Variants in ALS2 observed in about 807,000 individuals in gnomAD.
ALS2 encodes alsin Rho guanine nucleotide exchange factor ALS2.
Under a neutral mutation model 203.4 loss-of-function variants are expected in ALS2, and 117 were observed. The observed-to-expected ratio is 0.58, with a 90% CI of 0.50 to 0.67. The LOEUF (loss-of-function observed/expected upper bound fraction) is 0.67. Among genes scored for constraint, ALS2 ranks in the 30% least tolerant of loss-of-function variants. The probability of loss-of-function intolerance (pLI) is 0.00; values close to 1 mark genes in which losing one functional copy is unlikely to be tolerated. For missense variants in ALS2, 1,715 were observed against 1,989.4 expected (o/e 0.86, Z 2.62); for synonymous variants, 718 against 725.9 (o/e 0.99, Z 0.17).
At position 201,730,435 on chromosome 2, in the gene ALS2, G is replaced by A. The variant is rs544704863; in HGVS notation, c.2581-1252C>T. Reference sequence around the variant, plus strand: ...CATGAGATAAAGTCCTAAGTATCAGGAAACTGTCAGACTCACAGTGGCAGA... The same window carrying A: ...CATGAGATAAAGTCCTAAGTATCAGAAAACTGTCAGACTCACAGTGGCAGA... On this transcript the variant is annotated intron_variant, in intron 13 of 33. Coordinates refer to ENST00000264276, the MANE Select transcript of ALS2 (RefSeq NM_020919.4). 3.9e-5 allele frequency among the ~76,000 whole-genome samples: 6 copies of A among 152,212 alleles called. No homozygotes were observed. The South Asian group carries it at 6.2e-4, about 16-fold the overall frequency.
rs1030083444 is a variant in ALS2 at position 201,709,943 on chromosome 2, C to T, written c.4218G>A (p.Arg1406=). The change falls in exon 27 of 34, where the codon AGG becomes AGA. Residue 1406 remains arginine (R), a synonymous_variant. Transcript: ENST00000264276. ...MTYVGVGANR[R]LLQEAVKEIK... ...TCTCCTTTACAGCCTCCTGCAATAA[C>T]CTGCGGTTGGCTCCTACGCCCACGT... 1.2e-6 allele frequency: 2 copies of T among 1,614,004 alleles called. No individual in the cohort carries two copies. Among genetic ancestry groups the T allele is most frequent in the African/African-American group, 1.3e-5 (1 of 74,916 alleles).
intron 3 of ALS2, chr2:201,763,155 C>T: frequency 4.5e-6 from 1 of 220,922 alleles, no homozygotes; most frequent in Non-Finnish European, 8.8e-6. Context: ...ATCCAAGGGA[C>T]TATCATCCTG....
Position 201,704,601 on chromosome 2 carries a change from G to T in ALS2, c.4691C>A (p.Thr1564Lys). 6.2e-7 allele frequency: 1 copy of T among 1,614,068 alleles called. No individual in the cohort carries two copies. The highest frequency in any genetic ancestry group is 8.5e-7 in the Non-Finnish European group (1 of 1,179,984). Residue 1564 changes from threonine (T) to lysine (K), a missense_variant and splice_region_variant, in exon 32 of 34, where the codon ACA becomes AAA. This residue lies in a region of ALS2 where 1,227 missense variants were observed against 1,413.5 expected (regional missense o/e 0.87). Coordinates refer to ENST00000264276, the MANE Select transcript of ALS2 (RefSeq NM_020919.4). Reference sequence around the variant, plus strand: ...AAGTTTGTCTGATGGGGTAAATGTTGTGCTGTTACAGAAACAATGACAAAA... The same window carrying T: ...AAGTTTGTCTGATGGGGTAAATGTTTTGCTGTTACAGAAACAATGACAAAA... ...SAVECLQQIS[T>K]TFTPSDKLKV...
At chr2:201,750,049 C>G (rs917878328) in intron 7 of ALS2, among the ~76,000 whole-genome samples, 21 of 151,746 alleles carry the variant, frequency 1.4e-4, no homozygotes, top group African/African-American at 4.8e-4. Flanking sequence ...GCCTGTAATC[C>G]CAGCTACTTG....
At chr2:201,717,618 A>G (rs937665396) in intron 24 of ALS2, among the ~76,000 whole-genome samples, 7 of 150,934 alleles carry the variant, frequency 4.6e-5, no homozygotes, top group Non-Finnish European at 8.8e-5. Flanking sequence ...TGACAATTCA[A>G]GGAGGTTACA....
At position 201,754,683 on chromosome 2, in the gene ALS2, C is replaced by T. The variant is rs1574772470; in HGVS notation, c.1472-12G>A. 4 of 1,614,072 alleles carry T rather than the reference C, an allele frequency of 2.5e-6. No homozygotes were observed. In the East Asian group the frequency reaches 8.9e-5, roughly 36 times the overall value. On this transcript the variant is annotated splice_polypyrimidine_tract_variant and intron_variant, in intron 5 of 33. Transcript: ENST00000264276. ...GAGCCTGGGGGAAACTGAAAACCAA[C>T]CAGACGTGGGGTGAAGGAGTGGGAG...
intron 1 of ALS2, among the ~76,000 whole-genome samples, chr2:201,772,170 C>G (rs917591210): frequency 6.6e-6 from 1 of 152,186 alleles, no homozygotes; most frequent in African/African-American, 2.4e-5. Context: ...ACTGATGCCA[C>G]TTTTAGACTC....
rs541714751 is a variant in ALS2 at position 201,711,108 on chromosome 2, A to G, written c.4005T>C (p.Ser1335=). 3.1e-5 allele frequency: 48 copies of G among 1,561,992 alleles called. No homozygotes were observed. In the South Asian group the frequency reaches 4.8e-4, roughly 16 times the overall value. The part of the protein sequence containing the change: ...LTTSRRQHRD[S]PEILSRSQTQ... ...TCTGTGAACGACTCAGTATTTCTGG[A>G]CTATAAAAAGGGAAAGAAAAGTCTG... is the stretch of plus-strand genomic sequence containing the variant. Residue 1335 remains serine (S), a splice_region_variant and synonymous_variant, in exon 26 of 34, where the codon AGT becomes AGC. Transcript: ENST00000264276.
At chr2:201,730,140 T>C (rs1038080607) in intron 13 of ALS2, among the ~76,000 whole-genome samples, 2 of 152,204 alleles carry the variant, frequency 1.3e-5, no homozygotes, top group African/African-American at 4.8e-5. Context: ...GATACTATAT[T>C]AAAACTTGCT....
rs1479734077 is a variant in ALS2 at position 201,729,038 on chromosome 2, C to T, written c.2712+14G>A. Reference sequence around the variant, plus strand: ...TGTTTGCTAGGGTAACAAATGACAACTGGCATGGCTTACCGTCATTTTTCC... The same window carrying T: ...TGTTTGCTAGGGTAACAAATGACAATTGGCATGGCTTACCGTCATTTTTCC... On this transcript the variant is annotated intron_variant, in intron 14 of 33. Coordinates refer to ENST00000264276, the MANE Select transcript of ALS2 (RefSeq NM_020919.4). 6.2e-7 allele frequency: 1 copy of T among 1,614,078 alleles called. No individual in the cohort carries two copies. Among genetic ancestry groups the T allele is most frequent in the African/African-American group, 1.3e-5 (1 of 75,046 alleles).
rs745924266 is a variant in ALS2 at position 201,704,068 on chromosome 2, T to C, written c.4935+54A>G. 5.4e-6 allele frequency: 8 copies of C among 1,483,318 alleles called. No homozygotes were observed. The Admixed American group carries it at 6.9e-5, about 13-fold the overall frequency. 91.9% of individuals were successfully genotyped at this position (1,483,318 alleles called of 1,614,324 possible). A position where few individuals can be genotyped will look rare whatever the true frequency, so the allele number is the denominator to read the frequency against. ...GTGGTTAATGGCATTTATAATATGG[T>C]AAATGAAAGACAGATATGAAGATAA... On this transcript the variant is annotated intron_variant, in intron 33 of 33. Coordinates refer to ENST00000264276, the MANE Select transcript of ALS2 (RefSeq NM_020919.4).
intron 25 of ALS2, among the ~76,000 whole-genome samples, chr2:201,711,826 A>G (rs917049560): frequency 6.1e-5 from 9 of 146,764 alleles, no homozygotes; most frequent in Admixed American, 2.1e-4. Context: ...ATAATTTTAT[A>G]TAAAGAGTTC....
At chr2:201,717,857 G>A (rs974302247) in intron 24 of ALS2, among the ~76,000 whole-genome samples, 2 of 151,482 alleles carry the variant, frequency 1.3e-5, no homozygotes, top group South Asian at 4.2e-4. Context: ...GGAGGATCAC[G>A]TGAACCCAGG....
chr2:201,756,980 T>C (rs1353843774), intron 5 of ALS2, among the ~76,000 whole-genome samples: 1 of 152,202 alleles, frequency 6.6e-6, no homozygotes, highest in Non-Finnish European at 1.5e-5. Flanking sequence ...AAAAAGTTTA[T>C]TGCCTATGGT....
rs1694499169 is a variant in ALS2 at position 201,773,361 on chromosome 2, G to A, written c.-60-4416C>T. 2.0e-5 allele frequency among the ~76,000 whole-genome samples: 3 copies of A among 152,134 alleles called. No homozygotes were observed. The South Asian group carries it at 6.2e-4, about 31-fold the overall frequency. ...GCTGCCAATTTGGTGAAGAAGAGGT[G>A]AATAAATGAGAGATGCTCTGGGGGC... On this transcript the variant is annotated intron_variant, in intron 1 of 33. Coordinates refer to ENST00000264276, the MANE Select transcript of ALS2 (RefSeq NM_020919.4).
At chr2:201,743,257 A>T (rs572837196) in intron 10 of ALS2, among the ~76,000 whole-genome samples, 14 of 152,166 alleles carry the variant, frequency 9.2e-5, no homozygotes, top group African/African-American at 2.6e-4. Context: ...CCCAGAAAAA[A>T]AATTTGAAAT....
intron 8 of ALS2, 58 bp downstream of exon 8, chr2:201,749,654 T>C (rs1204411620): frequency 3.0e-6 from 4 of 1,348,272 alleles, no homozygotes; most frequent in Non-Finnish European, 4.3e-6. Flanking sequence ...AATGGAGAAG[T>C]ATAAGGTGTT....
chr2:201,736,586 A>G (rs1691888810), intron 12 of ALS2, among the ~76,000 whole-genome samples: 1 of 152,162 alleles, frequency 6.6e-6, no homozygotes, highest in Admixed American at 6.5e-5. Context: ...AAAAGAAAGT[A>G]GAAGGAAATA....
In ALS2 at chr2:201,759,805, A is replaced by G. The variant is rs928790542; in HGVS notation, c.1113+1076T>C. 2.6e-5 allele frequency: 26 copies of G among 985,352 alleles called. No homozygotes were observed. The Middle Eastern group carries it at 2.1e-3, about 79-fold the overall frequency. The allele number at this position is 985,352 out of a possible 1,614,324, so 61.0% of individuals were successfully genotyped here. On this transcript the variant is annotated intron_variant, in intron 4 of 33. Coordinates refer to ENST00000264276, the MANE Select transcript of ALS2 (RefSeq NM_020919.4). ...GGCTATGTGGTTTCAAAAACCTAAA[A>G]AGAAACACTGCAGGACAGATCTTTT...
Sources: gnomAD v4.1 joint callset for allele counts (sites outside exome capture counted in the v4.1 genomes callset) on GRCh38, gnomAD v4.1.1 for gene constraint, gnomAD v4.1.1 regional missense constraint, MANE v1.5 for transcripts, NCBI Gene and HGNC (gene_info 2026-07-23, HGNC 2026-07-21) for gene names.